Variants in MCM10 observed in about 807,000 individuals in gnomAD.
The protein encoded by MCM10 is minichromosome maintenance 10 replication initiation factor, also known as protein MCM10 homolog.
Under a neutral mutation model 109.9 loss-of-function variants are expected in MCM10, and 91 were observed. The observed-to-expected ratio is 0.83, with a 90% CI of 0.70 to 0.99. The LOEUF (loss-of-function observed/expected upper bound fraction) is 0.99. MCM10 is among the 50% of genes least tolerant of loss of function. MCM10 has a pLI of 0.00. For missense variants in MCM10, 1,077 were observed against 1,061.2 expected, an observed-to-expected ratio of 1.01 and a Z score of -0.21; for synonymous variants, 380 against 387.2, an observed-to-expected ratio of 0.98 and a Z score of 0.22.
At chr10:13,173,398 A>C (rs543320605) in intron 5 of MCM10, among the ~76,000 whole-genome samples, 1 of 152,338 alleles carries the variant, frequency 6.6e-6, no homozygotes, top group Non-Finnish European at 1.5e-5. Context: ...GGTCGTATCA[A>C]ATCAAAAGGG....
At position 13,192,562 on chromosome 10, in the gene MCM10, A is replaced by C; in HGVS notation, c.1739A>C (p.Gln580Pro). 1 of 1,613,952 alleles carries C rather than the reference A, an allele frequency of 6.2e-7. No homozygotes were observed. The change falls in exon 13 of 20, where the codon CAG becomes CCG. Residue 580 changes from glutamine (Q) to proline (P), a missense_variant. Transcript: ENST00000378714. ...EMRRRKSEEI[Q>P]KRFLQSSSEV... ...AGGAGAAGGAAATCAGAAGAAATAC[A>C]GAAGCGGTAAGAGGAGCAGATTTAA...
At chr10:13,171,767 ATT>A (rs548034964) in intron 3 of MCM10, among the ~76,000 whole-genome samples, 1 of 146,766 alleles carries the variant, frequency 6.8e-6, no homozygotes, top group African/African-American at 2.5e-5. Context: ...AGTAAATATA[ATT>A]TTTTTTTTTT....
chr10:13,186,143 C>T, intron 8 of MCM10, 21 bp from the exon 9 acceptor site: 2 of 1,424,670 alleles, frequency 1.4e-6, no homozygotes, highest in Non-Finnish European at 2.0e-6. Flanking sequence ...CCTTTAACTC[C>T]TGCCCCACCT....
chr10:13,205,137 A>G (rs1020618636), intron 18 of MCM10, among the ~76,000 whole-genome samples: 1 of 151,226 alleles, frequency 6.6e-6, no homozygotes. Context: ...CTTTTAGTGT[A>G]GCCATCACCT....
intron 10 of MCM10, among the ~76,000 whole-genome samples, chr10:13,190,999 T>C (rs1416197939): frequency 2.6e-5 from 4 of 152,208 alleles, no homozygotes; most frequent in African/African-American, 9.7e-5. Context: ...TCCTTAATTA[T>C]TTTAAGATAA....
Position 13,171,045 on chromosome 10 carries a change from A to C in MCM10, c.131A>C (p.Glu44Ala). ...RENGEPDAFD[E>A]LFDADGDGES... The stretch of plus-strand genomic sequence containing the variant: ...AATGGCGAGCCCGACGCATTTGATG[A>C]GCTCTTTGATGCCGACGGCGACGGT... Residue 44 changes from glutamate to alanine, a missense_variant, in exon 3 of 20, where the codon GAG (glutamate) becomes GCG (alanine). Physicochemically the swap from Glu to Ala is moderately radical, Grantham distance 107. Coordinates refer to ENST00000378714, the MANE Select transcript of MCM10 (RefSeq NM_018518.5). 6.2e-7 allele frequency: 1 copy of C among 1,614,226 alleles called. No homozygotes were observed. Among genetic ancestry groups the C allele is most frequent in the Non-Finnish European group, 8.5e-7 (1 of 1,180,044 alleles).
Position 13,192,491 on chromosome 10 carries a change from G to T in MCM10, c.1668G>T (p.Ser556=). 6.2e-7 allele frequency: 1 copy of T among 1,614,132 alleles called. No homozygotes were observed. The highest frequency in any genetic ancestry group is 8.5e-7 in the Non-Finnish European group (1 of 1,180,038). The change falls in exon 13 of 20, where the codon TCG becomes TCT. Residue 556 remains serine, a synonymous_variant. Transcript: ENST00000378714. The part of the protein sequence containing the change: ...GSPKPAIKSI[S]ASALLKQQKQ... ...CAAAACCAGCCATCAAGTCCATCTCGGCCTCAGCACTCTTGAAGCAACAGA... is the reference window on the plus strand; with the variant it reads ...CAAAACCAGCCATCAAGTCCATCTCTGCCTCAGCACTCTTGAAGCAACAGA...
intron 5 of MCM10, among the ~76,000 whole-genome samples, chr10:13,173,563 G>T (rs1834103370): frequency 6.6e-6 from 1 of 152,190 alleles, no homozygotes; most frequent in Non-Finnish European, 1.5e-5. Context: ...CCTAAGACAA[G>T]ATGGGCCTGA....
At chr10:13,161,959 G>A (rs1234427362) in intron 1 of MCM10, among the ~76,000 whole-genome samples, 1 of 152,266 alleles carries the variant, frequency 6.6e-6, no homozygotes, top group South Asian at 2.1e-4. Context: ...TATTGAATGC[G>A]GACGGTGTGC....
rs1834632198 is a variant in MCM10, at chr10:13,209,639, C to T, written c.*329C>T. ...CTGTATCTTTTGGTTATAGAGTGTT[C>T]ACTTCTTTATCATAACAAAATTCTA... is the stretch of plus-strand genomic sequence containing the variant. On this transcript the variant is annotated 3_prime_UTR_variant, in exon 20 of 20. Transcript: ENST00000378714. The T allele has an allele frequency of 3.4e-6, 1 of 295,082 alleles. No individual in the cohort carries two copies. The highest frequency in any genetic ancestry group is 5.4e-5 in the South Asian group (1 of 18,552). 18.3% of individuals were successfully genotyped at this position (295,082 alleles called of 1,614,324 possible).
At chr10:13,208,964 C>G in intron 18 of MCM10, 127 bp from the exon 19 acceptor site, 1 of 725,788 alleles carries the variant, frequency 1.4e-6, no homozygotes, top group East Asian at 2.5e-5. Context: ...GCATACAATA[C>G]GAATGTCACC....
chr10:13,194,823 A>G (rs1030524576), intron 13 of MCM10, among the ~76,000 whole-genome samples: 1 of 152,214 alleles, frequency 6.6e-6, no homozygotes, highest in Non-Finnish European at 1.5e-5. Context: ...GGACAATTAC[A>G]GCTTATTCAA....
At position 13,195,192 on chromosome 10, in the gene MCM10, GA is replaced by G; in HGVS notation, c.1899del (p.Gly634GlufsTer17). 2 of 1,613,756 alleles carry G rather than the reference GA, an allele frequency of 1.2e-6. No homozygotes were observed. The highest frequency in any genetic ancestry group is 1.7e-6 in the Non-Finnish European group (2 of 1,179,906). ...GCCCAAGCTGGGGCGAGGTGTCTTG[GA>G]AGGAGATGATGTTCTCTTTTATGAT... ...MTPKLGRGVL[E>X]GDDVLFYDES... On this transcript the variant is annotated frameshift_variant, in exon 14 of 20. Coordinates refer to ENST00000378714, the MANE Select transcript of MCM10 (RefSeq NM_018518.5). LOFTEE classifies it high-confidence loss of function.
intron 16 of MCM10, among the ~76,000 whole-genome samples, chr10:13,200,981 C>T (rs1384765805): frequency 2.0e-5 from 3 of 152,134 alleles, no homozygotes; most frequent in Non-Finnish European, 4.4e-5. Context: ...CCCATCTCTA[C>T]TGAAAATCCA....
rs1453411436 is a variant in MCM10 at position 13,164,104 on chromosome 10, A to G, written c.-75-24A>G. ...GAGAAAGAGAAGAATTGAAAGTGAC[A>G]TTTCTAATATTGCTTTCACACAGCC... On this transcript the variant is annotated intron_variant, in intron 1 of 19. Coordinates refer to ENST00000378714, the MANE Select transcript of MCM10 (RefSeq NM_018518.5). 9.2e-5 allele frequency: 95 copies of G among 1,032,480 alleles called. No individual in the cohort carries two copies. The East Asian group carries it at 2.5e-3, about 28-fold the overall frequency. 64.0% of individuals were successfully genotyped at this position (1,032,480 alleles called of 1,614,324 possible).
At chr10:13,201,277 A>T in intron 16 of MCM10, 144 bp from the exon 17 acceptor site, 1 of 616,864 alleles carries the variant, frequency 1.6e-6, no homozygotes, top group East Asian at 2.8e-5. Flanking sequence ...GGGCCCTCTC[A>T]CACTTAGCCT....
At chr10:13,183,520 C>T (rs756680754) in intron 8 of MCM10, among the ~76,000 whole-genome samples, 1 of 152,130 alleles carries the variant, frequency 6.6e-6, no homozygotes, top group African/African-American at 2.4e-5. Context: ...ATTGTGTCTC[C>T]GTGAATCTGG....
chr10:13,174,560 T>C (rs1244798115), intron 5 of MCM10, among the ~76,000 whole-genome samples: 2 of 152,108 alleles, frequency 1.3e-5, no homozygotes, highest in Non-Finnish European at 2.9e-5. Context: ...TATTATAGAG[T>C]GGAACTATCT....
chr10:13,198,407 A>G (rs2274111), intron 15 of MCM10, among the ~76,000 whole-genome samples: 6,972 of 152,228 alleles, frequency 0.046, 249 homozygotes, highest in African/African-American at 0.092. Context: ...CATAATTGTC[A>G]ACATTATTTA....
Sources: gnomAD v4.1 joint callset for allele counts (sites outside exome capture counted in the v4.1 genomes callset) on GRCh38, gnomAD v4.1.1 for gene constraint, MANE v1.5 for transcripts, NCBI Gene and HGNC (gene_info 2026-07-23, HGNC 2026-07-21) for gene names.